Variants in ITPR1 observed in about 807,000 individuals in gnomAD.
ITPR1 encodes inositol 1,4,5-trisphosphate-gated calcium channel ITPR1.
Under a neutral mutation model 318.4 loss-of-function variants are expected in ITPR1, and 96 were observed. That is an observed-to-expected ratio of 0.30 (90% CI 0.26 to 0.36). The LOEUF (loss-of-function observed/expected upper bound fraction) is 0.36, where lower values mean the gene tolerates loss of function less well. Ranked by LOEUF, ITPR1 falls within the 10% of genes least tolerant of loss-of-function variation. The probability of loss-of-function intolerance (pLI) is 1.00; values close to 1 mark genes in which losing one functional copy is unlikely to be tolerated. For missense variants in ITPR1, 2,440 were observed against 3,460.2 expected (o/e 0.71, Z 7.40); for synonymous variants, 1,312 against 1,289.9 (o/e 1.02, Z -0.37).
chr3:4,683,884 A>C (rs1285902796), intron 28 of ITPR1, 86 bp downstream of exon 28: 3 of 1,185,354 alleles, frequency 2.5e-6, no homozygotes, highest in Admixed American at 2.4e-5. Context: ...TTAGGTATAA[A>C]TGTGATAGGA....
At chr3:4,573,592 T>C (rs1559471627) in intron 4 of ITPR1, among the ~76,000 whole-genome samples, 2 of 152,252 alleles carry the variant, frequency 1.3e-5, no homozygotes, top group South Asian at 4.1e-4. Context: ...TATAATGTCT[T>C]AAAAATTCTC....
intron 52 of ITPR1, among the ~76,000 whole-genome samples, chr3:4,793,512 C>T (rs914828883): frequency 6.6e-5 from 10 of 152,184 alleles, no homozygotes; most frequent in South Asian, 2.1e-4. Flanking sequence ...ATATCCAGAT[C>T]GGAAATGGGC....
chr3:4,543,240 C>T (rs1389780439), intron 4 of ITPR1, among the ~76,000 whole-genome samples: 6 of 148,448 alleles, frequency 4.0e-5, no homozygotes, highest in South Asian at 4.3e-4. Flanking sequence ...GCAGCCTGGG[C>T]GACAGAGCAA....
At chr3:4,741,245 GAT>G (rs2043682873) in intron 44 of ITPR1, among the ~76,000 whole-genome samples, 1 of 152,052 alleles carries the variant, frequency 6.6e-6, no homozygotes, top group Non-Finnish European at 1.5e-5. Flanking sequence ...GATGTTTTGG[GAT>G]ATATATGCTG....
Position 4,639,573 on chromosome 3 carries a change from C to G in ITPR1, c.366+103C>G, listed in dbSNP as rs1343823711. The G allele has an allele frequency of 6.1e-6, 5 of 819,832 alleles. No homozygotes were observed. In the East Asian group the frequency reaches 1.3e-4, roughly 22 times the overall value. The allele number at this position is 819,832 out of a possible 1,614,324, so 50.8% of individuals were successfully genotyped here. On this transcript the variant is annotated intron_variant, in intron 6 of 61. Transcript: ENST00000649015. ...GGGTTTGGACACCTTTACAGCAGGA[C>G]TCCATGGAGGCAGCCAGTTTATTGC... is the stretch of plus-strand genomic sequence containing the variant.
At chr3:4,713,703 G>T (rs1388197954) in intron 39 of ITPR1, among the ~76,000 whole-genome samples, 1 of 152,222 alleles carries the variant, frequency 6.6e-6, no homozygotes, top group African/African-American at 2.4e-5. Flanking sequence ...AGATCACTTG[G>T]AAAGAGTAAA....
At chr3:4,813,505 G>A (rs917904979) in intron 57 of ITPR1, among the ~76,000 whole-genome samples, 1 of 152,120 alleles carries the variant, frequency 6.6e-6, no homozygotes, top group East Asian at 1.9e-4. Context: ...TGGAGGGTGC[G>A]GGCAGGCCAA....
rs1196048583 is a variant in ITPR1, at chr3:4,645,434, G to T, written c.672G>T (p.Met224Ile). Residue 224 changes from methionine (M) to isoleucine (I), a missense_variant, in exon 9 of 62, where the codon ATG becomes ATT. Physicochemically the swap from Met to Ile is conservative, Grantham distance 10. Coordinates refer to ENST00000649015, the MANE Select transcript of ITPR1 (RefSeq NM_001378452.1). ...CNTSWKIVLF[M>I]KWSDNKDDIL... ...CAAGCTGGAAAATAGTCCTTTTCAT[G>T]AAATGGAGTGATAACAAAGACGACA... is the stretch of plus-strand genomic sequence containing the variant. 6.2e-7 allele frequency: 1 copy of T among 1,613,554 alleles called. No individual in the cohort carries two copies. The highest frequency in any genetic ancestry group is 1.7e-5 in the Admixed American group (1 of 60,026).
intron 4 of ITPR1, among the ~76,000 whole-genome samples, chr3:4,566,243 CCT>C (rs895434695): frequency 2.0e-4 from 31 of 152,262 alleles, no homozygotes; most frequent in Non-Finnish European, 3.5e-4. Flanking sequence ...CATTCCTTCC[CCT>C]GTTGGATAGA....
At position 4,717,145 on chromosome 3, in the gene ITPR1, T is replaced by C. The variant is rs566108209; in HGVS notation, c.5104-222T>C. ...GACCTGCGAGGTCTGATGCCTGATA[T>C]GTGAATAAAGCGTGGCAGCATCGTG... On this transcript the variant is annotated intron_variant, in intron 39 of 61. Transcript: ENST00000649015. Among the ~76,000 whole-genome samples, 17 of 152,320 alleles carry C rather than the reference T, an allele frequency of 1.1e-4. No individual in the cohort carries two copies. The East Asian group carries it at 2.5e-3, about 23-fold the overall frequency.
chr3:4,838,737 G>C (rs1398912901), intron 61 of ITPR1, among the ~76,000 whole-genome samples: 1 of 152,176 alleles, frequency 6.6e-6, no homozygotes, highest in Non-Finnish European at 1.5e-5. Context: ...ACTCATTTCT[G>C]CTTCTCATTG....
intron 14 of ITPR1, among the ~76,000 whole-genome samples, chr3:4,661,766 A>G (rs1206728321): frequency 1.3e-5 from 2 of 152,054 alleles, no homozygotes; most frequent in African/African-American, 4.8e-5. Context: ...CATTTTCCAT[A>G]TTTGCTTTTT....
intron 4 of ITPR1, among the ~76,000 whole-genome samples, chr3:4,535,141 G>C (rs2083743813): frequency 1.3e-5 from 2 of 151,880 alleles, no homozygotes; most frequent in African/African-American, 4.8e-5. Context: ...GATCTGGGCG[G>C]GGGGAGGGAG....
At chr3:4,578,190 G>GCA (rs1333856952) in intron 4 of ITPR1, among the ~76,000 whole-genome samples, 1 of 152,174 alleles carries the variant, frequency 6.6e-6, no homozygotes, top group Non-Finnish European at 1.5e-5. Context: ...TCTTGTGTAG[G>GCA]CATGTTTCTT....
At chr3:4,691,456 C>A in intron 32 of ITPR1, 112 bp downstream of exon 32, 1 of 698,042 alleles carries the variant, frequency 1.4e-6, no homozygotes, top group Non-Finnish European at 2.4e-6. Flanking sequence ...TACAGAAGGA[C>A]AGAAAGTAAT....
chr3:4,781,382 A>C (rs932517077), intron 49 of ITPR1, among the ~76,000 whole-genome samples: 2 of 152,212 alleles, frequency 1.3e-5, no homozygotes, highest in African/African-American at 4.8e-5. Flanking sequence ...TTCATTTGAT[A>C]AGTGTTGGCC....
intron 12 of ITPR1, 54 bp downstream of exon 12, chr3:4,653,940 A>G: frequency 7.9e-7 from 1 of 1,260,914 alleles, no homozygotes; most frequent in Non-Finnish European, 1.1e-6. Context: ...CGGCCAAATG[A>G]TCTGGAGCTC....
At chr3:4,513,892 C>T (rs2082005642) in intron 2 of ITPR1, among the ~76,000 whole-genome samples, 1 of 152,072 alleles carries the variant, frequency 6.6e-6, no homozygotes, top group African/African-American at 2.4e-5. Flanking sequence ...TCAAGACCCG[C>T]CTGTCCAACA....
intron 39 of ITPR1, 32 bp from the exon 40 acceptor site, chr3:4,717,335 C>T: frequency 1.4e-6 from 2 of 1,456,874 alleles, no homozygotes; most frequent in Admixed American, 1.7e-5. Context: ...CTAACATTTC[C>T]TTCTCTCTCT....
Sources: allele counts gnomAD v4.1 joint callset (sites outside exome capture counted in the v4.1 genomes callset), GRCh38; gene constraint gnomAD v4.1.1; transcripts MANE v1.5; gene names NCBI Gene and HGNC (gene_info 2026-07-23, HGNC 2026-07-21).